CTNND2: variants seen among roughly 807,000 people sequenced by gnomAD.
CTNND2 encodes catenin delta-2.
In CTNND2, 22 loss-of-function variants were observed where a neutral mutation model predicts 144.4. That is an observed-to-expected ratio of 0.15 (90% CI 0.11 to 0.22). The LOEUF (loss-of-function observed/expected upper bound fraction) is 0.22, where lower values mean the gene tolerates loss of function less well. CTNND2 is among the 10% of genes least tolerant of loss of function. The probability of loss-of-function intolerance (pLI) is 1.00; values close to 1 mark genes in which losing one functional copy is unlikely to be tolerated. For synonymous variants in CTNND2, 751 were observed against 695.6 expected (o/e 1.08, Z -1.25); for missense variants, 1,353 against 1,618.8 (o/e 0.84, Z 2.82).
intron 2 of CTNND2, among the ~76,000 whole-genome samples, chr5:11,691,430 T>A (rs1333894629): frequency 2.0e-5 from 3 of 151,044 alleles, no homozygotes; most frequent in African/African-American, 7.4e-5. Context: ...TAAGAAATGA[T>A]ATGTCTGGCT....
intron 16 of CTNND2, among the ~76,000 whole-genome samples, chr5:11,034,397 C>A (rs1311892410): frequency 2.6e-5 from 4 of 152,164 alleles, no homozygotes; most frequent in African/African-American, 9.7e-5. Flanking sequence ...AATTCCACAA[C>A]AATCTGTTAC....
intron 9 of CTNND2, among the ~76,000 whole-genome samples, chr5:11,294,385 C>A (rs1458530391): frequency 6.6e-6 from 1 of 152,130 alleles, no homozygotes; most frequent in African/African-American, 2.4e-5. Flanking sequence ...GAACTAGCCA[C>A]TTTTTCATGG....
At chr5:11,177,393 T>C (rs1037571248) in intron 11 of CTNND2, among the ~76,000 whole-genome samples, 1 of 152,174 alleles carries the variant, frequency 6.6e-6, no homozygotes, top group Non-Finnish European at 1.5e-5. Flanking sequence ...TACCTAACAC[T>C]GTCTATAGTC....
At chr5:11,278,085 A>G (rs567320722) in intron 9 of CTNND2, among the ~76,000 whole-genome samples, 1 of 152,120 alleles carries the variant, frequency 6.6e-6, no homozygotes, top group African/African-American at 2.4e-5. Flanking sequence ...TATCCCTCCA[A>G]CTAGGATGTT....
At chr5:10,998,387 T>C (rs1739572433) in intron 18 of CTNND2, among the ~76,000 whole-genome samples, 2 of 152,158 alleles carry the variant, frequency 1.3e-5, no homozygotes, top group South Asian at 4.1e-4. Context: ...CCAATAAATA[T>C]CTTCGTTAGA....
intron 2 of CTNND2, among the ~76,000 whole-genome samples, chr5:11,629,176 C>T (rs79054520): frequency 0.035 from 5,381 of 152,152 alleles, 149 homozygotes; most frequent in East Asian, 0.1. Context: ...AATTTCCATG[C>T]CAATATTTTT....
At chr5:11,107,659 T>A (rs183918587) in intron 14 of CTNND2, among the ~76,000 whole-genome samples, 1 of 152,234 alleles carries the variant, frequency 6.6e-6, no homozygotes, top group East Asian at 1.9e-4. Flanking sequence ...AGTTCTTAGA[T>A]GATAACAGTA....
chr5:11,713,618 T>A (rs1438192905), intron 2 of CTNND2, among the ~76,000 whole-genome samples: 3 of 147,954 alleles, frequency 2.0e-5, no homozygotes, highest in Non-Finnish European at 4.5e-5. Flanking sequence ...ACCATATATA[T>A]ACATATATAT....
intron 3 of CTNND2, among the ~76,000 whole-genome samples, chr5:11,448,913 G>C (rs1765075613): frequency 6.6e-6 from 1 of 151,846 alleles, no homozygotes; most frequent in African/African-American, 2.4e-5. Context: ...ATGTTGTCCA[G>C]GCTCGTCTTG....
At chr5:11,076,991 G>A (rs1561266184) in intron 16 of CTNND2, among the ~76,000 whole-genome samples, 2 of 152,106 alleles carry the variant, frequency 1.3e-5, no homozygotes, top group African/African-American at 4.8e-5. Flanking sequence ...GAAACTGGCT[G>A]TTTGATTCTT....
At chr5:11,861,162 A>G (rs1795487322) in intron 1 of CTNND2, among the ~76,000 whole-genome samples, 1 of 152,140 alleles carries the variant, frequency 6.6e-6, no homozygotes, top group Non-Finnish European at 1.5e-5. Flanking sequence ...GATGGTTTCG[A>G]GTCTTTGAGT....
intron 9 of CTNND2, among the ~76,000 whole-genome samples, chr5:11,336,349 C>T (rs1372774097): frequency 1.3e-5 from 2 of 152,164 alleles, no homozygotes; most frequent in Non-Finnish European, 2.9e-5. Context: ...AAAGGTTGAA[C>T]GTGGGTATGT....
intron 2 of CTNND2, among the ~76,000 whole-genome samples, chr5:11,656,195 T>C (rs1056739189): frequency 6.6e-6 from 1 of 152,086 alleles, no homozygotes; most frequent in African/African-American, 2.4e-5. Flanking sequence ...TTTTTATGCA[T>C]GCTTTTTCAG....
chr5:11,668,333 G>C (rs1486972769), intron 2 of CTNND2, among the ~76,000 whole-genome samples: 1 of 152,198 alleles, frequency 6.6e-6, no homozygotes, highest in East Asian at 1.9e-4. Context: ...GGATAGCATT[G>C]AATCTATCAA....
At chr5:11,402,540 C>A (rs569652240) in intron 5 of CTNND2, among the ~76,000 whole-genome samples, 18 of 152,318 alleles carry the variant, frequency 1.2e-4, no homozygotes, top group African/African-American at 3.8e-4. Flanking sequence ...TCCAGAAGAA[C>A]TTGCCCATTT....
chr5:11,567,267 T>C (rs1777194972), intron 2 of CTNND2, among the ~76,000 whole-genome samples: 1 of 152,156 alleles, frequency 6.6e-6, no homozygotes, highest in African/African-American at 2.4e-5. Context: ...TTCTCTGCTT[T>C]TAAGATTTTC....
intron 1 of CTNND2, among the ~76,000 whole-genome samples, chr5:11,777,028 G>A (rs1242714754): frequency 6.6e-6 from 1 of 152,098 alleles, no homozygotes; most frequent in Non-Finnish European, 1.5e-5. Context: ...AAATACTCAT[G>A]TTAATTAAGT....
At chr5:11,796,151 G>A (rs924904631) in intron 1 of CTNND2, among the ~76,000 whole-genome samples, 12 of 152,154 alleles carry the variant, frequency 7.9e-5, no homozygotes, top group Admixed American at 5.9e-4. Context: ...TATGTGGCCC[G>A]AGAGGATGAA....
intron 2 of CTNND2, among the ~76,000 whole-genome samples, chr5:11,590,620 T>G (rs1779176510): frequency 6.6e-6 from 1 of 151,890 alleles, no homozygotes; most frequent in Non-Finnish European, 1.5e-5. Context: ...CTTGTGACAA[T>G]ACACCCTCCC....
Sources: allele counts gnomAD v4.1 joint callset (sites outside exome capture counted in the v4.1 genomes callset), GRCh38; gene constraint gnomAD v4.1.1; transcripts MANE v1.5; gene names NCBI Gene and HGNC (gene_info 2026-07-23, HGNC 2026-07-21).